Variants in MICAL2 observed in about 807,000 individuals in gnomAD.
The protein encoded by MICAL2 is microtubule associated monooxygenase, calponin and LIM domain containing 2, also known as [F-actin]-monooxygenase MICAL2.
Under a neutral mutation model 127.3 loss-of-function variants are expected in MICAL2, and 77 were observed. That is an observed-to-expected ratio of 0.60 (90% confidence interval 0.50 to 0.73). The LOEUF (loss-of-function observed/expected upper bound fraction) is 0.73. Among genes scored for constraint, MICAL2 ranks in the 30% least tolerant of loss-of-function variants. MICAL2 has a pLI of 0.00. For synonymous variants in MICAL2, 570 were observed against 551.1 expected, an observed-to-expected ratio of 1.03 and a Z score of -0.48; for missense variants, 1,351 against 1,434.4, an observed-to-expected ratio of 0.94 and a Z score of 0.94.
At chr11:12,172,930 A>G (rs1856441780) in intron 3 of MICAL2, among the ~76,000 whole-genome samples, 1 of 152,244 alleles carries the variant, frequency 6.6e-6, no homozygotes, top group Non-Finnish European at 1.5e-5. Context: ...CTCTCCATGT[A>G]ACATGTACTA....
chr11:12,323,065 A>G (rs1864317263), intron 30 of MICAL2, among the ~76,000 whole-genome samples: 1 of 152,086 alleles, frequency 6.6e-6, no homozygotes, highest in South Asian at 2.1e-4. Context: ...GTGCTCAACC[A>G]TTAGTCTCTG....
chr11:12,312,143 C>T (rs1864181707), intron 29 of MICAL2, among the ~76,000 whole-genome samples: 1 of 151,568 alleles, frequency 6.6e-6, no homozygotes, highest in South Asian at 2.1e-4. Flanking sequence ...CCATTTTTTG[C>T]TTAATCATTC....
intron 2 of MICAL2, among the ~76,000 whole-genome samples, chr11:12,286,175 G>A (rs1014341785): frequency 6.6e-6 from 1 of 152,166 alleles, no homozygotes; most frequent in Non-Finnish European, 1.5e-5. Flanking sequence ...ACAGTGTCCC[G>A]CAAATATGTT....
downstream of MICAL2, chr11:12,294,188 C>A: frequency 6.2e-7 from 1 of 1,613,990 alleles, no homozygotes; most frequent in Non-Finnish European, 8.5e-7. Context: ...GATGGGGACC[C>A]CTGCGGAACA....
At chr11:12,188,014 C>T (rs73416226) in intron 3 of MICAL2, among the ~76,000 whole-genome samples, 16,188 of 152,094 alleles carry the variant, frequency 0.11, 973 homozygotes, top group Middle Eastern at 0.17. Flanking sequence ...CCTCCTCCTC[C>T]CATCCATATA....
rs534515525 is a variant in MICAL2 at position 12,123,945 on chromosome 11, G to T, written c.-149+13219G>T. On this transcript the variant is annotated intron_variant, in intron 1 of 27. Coordinates refer to ENST00000683283, the MANE Select transcript of MICAL2 (RefSeq NM_001282663.2). Reference sequence around the variant, plus strand: ...AAGGGAGCTATCACCTCCAGTTCCGGACATTCTGCTTCTCTTAATGCAGCC... The same window carrying T: ...AAGGGAGCTATCACCTCCAGTTCCGTACATTCTGCTTCTCTTAATGCAGCC... 1.4e-4 allele frequency among the ~76,000 whole-genome samples: 21 copies of T among 152,300 alleles called. No homozygotes were observed. In the East Asian group the frequency reaches 3.5e-3, roughly 25 times the overall value.
chr11:12,279,384 CT>C, intron 1 of MICAL2, among the ~76,000 whole-genome samples: 1 of 152,202 alleles, frequency 6.6e-6, no homozygotes, highest in African/African-American at 2.4e-5. Flanking sequence ...CTCGTCAAGT[CT>C]TGGTCATGCA....
chr11:12,337,212 T>G (rs1938780378), intron 32 of MICAL2, among the ~76,000 whole-genome samples: 1 of 152,228 alleles, frequency 6.6e-6, no homozygotes, highest in African/African-American at 2.4e-5. Flanking sequence ...ATTTATCCAT[T>G]TCTTCTAGAT....
chr11:12,294,508 T>C (rs377306417), downstream of MICAL2: 6 of 1,613,994 alleles, frequency 3.7e-6, no homozygotes, highest in Admixed American at 5.0e-5. Context: ...TTCCTGCACT[T>C]AGGTCCCCAC....
At chr11:12,351,461 A>T (rs998011419) in intron 33 of MICAL2, among the ~76,000 whole-genome samples, 8 of 152,200 alleles carry the variant, frequency 5.3e-5, no homozygotes, top group African/African-American at 1.9e-4. Context: ...AGTACAAGAC[A>T]GTCCCTTCCT....
intron 3 of MICAL2, among the ~76,000 whole-genome samples, chr11:12,190,236 T>A (rs1858917018): frequency 6.6e-6 from 1 of 152,106 alleles, no homozygotes; most frequent in Non-Finnish European, 1.5e-5. Flanking sequence ...GGCCTCAAAG[T>A]TCCTCTGGTG....
At chr11:12,287,394 C>G, downstream of MICAL2, 1 of 351,134 alleles carries the variant, frequency 2.8e-6, no homozygotes, top group Admixed American at 4.7e-5. Context: ...CCACCCCTGG[C>G]TCAGGAATTA....
At chr11:12,315,119 C>G (rs903786439) in intron 29 of MICAL2, among the ~76,000 whole-genome samples, 1 of 152,180 alleles carries the variant, frequency 6.6e-6, no homozygotes, top group Non-Finnish European at 1.5e-5. Flanking sequence ...AGAATATAGA[C>G]TGCAAGTTGA....
chr11:12,274,466 T>C (rs963127021), upstream of MICAL2: 1 of 152,178 alleles, frequency 6.6e-6, no homozygotes, highest in Non-Finnish European at 1.5e-5. Flanking sequence ...AGACACACTA[T>C]GAATGAAAAT....
At chr11:12,184,747 C>G (rs1304090094) in intron 3 of MICAL2, among the ~76,000 whole-genome samples, 1 of 152,000 alleles carries the variant, frequency 6.6e-6, no homozygotes, top group Non-Finnish European at 1.5e-5. Context: ...ACAGCAGTAA[C>G]TGACCCATAC....
At chr11:12,185,578 A>G (rs1858128440) in intron 3 of MICAL2, among the ~76,000 whole-genome samples, 2 of 152,226 alleles carry the variant, frequency 1.3e-5, no homozygotes, top group South Asian at 4.1e-4. Context: ...GTTAGGTGTT[A>G]CTGTTACCAT....
intron 32 of MICAL2, among the ~76,000 whole-genome samples, chr11:12,331,370 A>C (rs1365023282): frequency 6.6e-6 from 1 of 152,154 alleles, no homozygotes; most frequent in Non-Finnish European, 1.5e-5. Context: ...TTTACCAGCT[A>C]GTTGTCTGCA....
intron 29 of MICAL2, among the ~76,000 whole-genome samples, chr11:12,301,369 T>C (rs1283107889): frequency 3.3e-5 from 5 of 152,240 alleles, no homozygotes; most frequent in African/African-American, 4.8e-5. Flanking sequence ...TTCCATTGTA[T>C]GACTATATCA....
chr11:12,168,860 T>C lies in MICAL2; in HGVS notation c.264+6441T>C, dbSNP rs1406793039. Among the ~76,000 whole-genome samples, 3 of 148,190 alleles carry C rather than the reference T, an allele frequency of 2.0e-5. No individual in the cohort carries two copies. The Admixed American group carries it at 2.0e-4, about 10-fold the overall frequency. ...TACGTGGGAGGCTGAGGTGGGAGGA[T>C]CGCTTGAGCCCAGGAGGTCAAGGCG... On this transcript the variant is annotated intron_variant, in intron 3 of 27. Transcript: ENST00000683283.
Sources: gnomAD v4.1 joint callset for allele counts (sites outside exome capture counted in the v4.1 genomes callset) on GRCh38, gnomAD v4.1.1 for gene constraint, MANE v1.5 for transcripts, NCBI Gene and HGNC (gene_info 2026-07-23, HGNC 2026-07-21) for gene names.